The following TONSL variants were observed in gnomAD, a reference collection of about 807,000 sequenced individuals.
TONSL encodes the protein tonsoku-like protein.
A neutral mutation model predicts 147.1 loss-of-function variants in TONSL; 112 were observed. The ratio of observed to expected loss-of-function variants is 0.76; its 90% CI spans 0.65 to 0.89. TONSL has a LOEUF of 0.89. Among genes scored for constraint, TONSL ranks in the 40% least tolerant of loss-of-function variants. The pLI is 0.00. For synonymous variants in TONSL, 868 were observed against 801.5 expected (o/e 1.08, Z -1.40); for missense variants, 1,883 against 1,864.6 (o/e 1.01, Z -0.18).
Position 144,441,067 on chromosome 8 carries a change from C to T in TONSL, c.910G>A (p.Gly304Ser), listed in dbSNP as rs1823698028. The change falls in exon 8 of 26, where the codon GGC (glycine) becomes AGC (serine). Residue 304 changes from glycine (G) to serine (S), a missense_variant. Transcript: ENST00000409379. Reference protein sequence around the residue: ...RLQQQLEEAEGRDPQGAMVIC... With the variant: ...RLQQQLEEAESRDPQGAMVIC... ...ACCATGGCACCCTGAGGGTCTCTGC[C>T]CTCAGCCTCTTCCAGCTGTTGCTGC... 1 of 1,612,818 alleles carries T rather than the reference C, an allele frequency of 6.2e-7. No homozygotes were observed. Among genetic ancestry groups the T allele is most frequent in the Non-Finnish European group, 8.5e-7 (1 of 1,180,008 alleles).
rs1173781333 is a variant in TONSL at position 144,428,968 on chromosome 8, T to C, written c.*175A>G. ...CCACGCCCGGCTAATTTTTGGTATT[T>C]TTAGTAGAGACGGGGTTTCACCATG... is the stretch of plus-strand genomic sequence containing the variant. On this transcript the variant is annotated 3_prime_UTR_variant, in exon 26 of 26. Coordinates refer to ENST00000409379, the MANE Select transcript of TONSL (RefSeq NM_013432.5). 5.7e-6 allele frequency: 4 copies of C among 706,522 alleles called. No individual in the cohort carries two copies. Among genetic ancestry groups the C allele is most frequent in the Admixed American group, 7.3e-5 (2 of 27,300 alleles). The allele number at this position is 706,522 out of a possible 1,614,324, so 43.8% of individuals were successfully genotyped here. A position where few individuals can be genotyped will look rare whatever the true frequency, so the allele number is the denominator to read the frequency against.
At chr8:144,442,995 CG>C in intron 4 of TONSL, 142 bp downstream of exon 4, 1 of 1,226,002 alleles carries the variant, frequency 8.2e-7, no homozygotes, top group Non-Finnish European at 1.1e-6. Flanking sequence ...AAAGGTTGAG[CG>C]GGGCATGCAC....
At chr8:144,444,123 TC>T in intron 2 of TONSL, 56 bp downstream of exon 2, 1 of 1,264,610 alleles carries the variant, frequency 7.9e-7, no homozygotes, top group Non-Finnish European at 9.9e-7. Flanking sequence ...CGGCCCCCGA[TC>T]CCGGCCCGGG....
rs201752642 is a variant in TONSL at position 144,435,618 on chromosome 8, G to A, written c.2775+40C>T. The A allele has an allele frequency of 2.4e-3, 3,751 of 1,579,254 alleles. 11 individuals carry two copies. The highest frequency in any genetic ancestry group is 3.1e-3 in the Non-Finnish European group (3,582 of 1,158,304). Reference sequence around the variant, plus strand: ...GGCTCCACCCTACACCTGCCTGCCCGGAGTGGGGAGAGGGCTCTGCTCCAG... The same window carrying A: ...GGCTCCACCCTACACCTGCCTGCCCAGAGTGGGGAGAGGGCTCTGCTCCAG... On this transcript the variant is annotated intron_variant, in intron 17 of 25. Transcript: ENST00000409379.
At chr8:144,430,643 G>C (rs1165501432) in intron 24 of TONSL, 106 bp from the exon 25 acceptor site, 3 of 1,370,078 alleles carry the variant, frequency 2.2e-6, no homozygotes, top group Non-Finnish European at 3.0e-6. Context: ...CCTCGGGCCA[G>C]ACCCAGGGGC....
Position 144,436,012 on chromosome 8 carries a change from C to G in TONSL, c.2421G>C (p.Gly807=). 1 of 1,551,736 alleles carries G rather than the reference C, an allele frequency of 6.4e-7. No homozygotes were observed. Among genetic ancestry groups the G allele is most frequent in the South Asian group, 1.2e-5 (1 of 85,536 alleles). Residue 807 remains glycine, a synonymous_variant, in exon 17 of 26, where the codon GGG becomes GGC. Coordinates refer to ENST00000409379, the MANE Select transcript of TONSL (RefSeq NM_013432.5). The stretch of plus-strand genomic sequence containing the variant: ...TGCTGTGGCCCCGCGGTGGGCCAGG[C>G]CCCAGCCGGCTCTGAGCACTGCCCA... ...RGVGSAQSRL[G]PGPPRGHSKA...
rs368440855 is a variant in TONSL, at chr8:144,434,283, C to T, written c.3086-4G>A. The T allele has an allele frequency of 3.3e-5, 50 of 1,503,468 alleles. No individual in the cohort carries two copies. The highest frequency in any genetic ancestry group is 2.4e-4 in the Middle Eastern group (1 of 4,226). 93.1% of individuals were successfully genotyped at this position (1,503,468 alleles called of 1,614,324 possible). On this transcript the variant is annotated splice_polypyrimidine_tract_variant and splice_region_variant and intron_variant, in intron 20 of 25. Transcript: ENST00000409379. ...TGCAGCACCTGTTGGTGCTCCCCTG[C>T]GGGAGGGATGTGATGTCACCAGGGT...
At chr8:144,432,573 C>T (rs533993459) in intron 22 of TONSL, 113 bp from the exon 23 acceptor site, 27 of 1,140,664 alleles carry the variant, frequency 2.4e-5, no homozygotes, top group Admixed American at 9.4e-5. Flanking sequence ...CCGCAGTGCT[C>T]GCAGGGTGGG....
intron 22 of TONSL, chr8:144,432,732 A>G (rs2620631): frequency 0.59 from 202,855 of 342,436 alleles, 60,890 homozygotes; most frequent in Middle Eastern, 0.67. Context: ...GCCTCTGCAC[A>G]GTGGGGGTGC....
intron 8 of TONSL, 28 bp from the exon 9 acceptor site, chr8:144,440,898 G>C (rs769906046): frequency 1.2e-6 from 2 of 1,612,510 alleles, no homozygotes; most frequent in East Asian, 2.2e-5. Context: ...GAGGCCAGGG[G>C]CTGCCACCCT....
intron 13 of TONSL, 103 bp downstream of exon 13, chr8:144,438,368 T>C: frequency 7.7e-7 from 1 of 1,303,066 alleles, no homozygotes; most frequent in South Asian, 1.3e-5. Context: ...GGGCCCCATT[T>C]TGAAGATGAG....
rs1295084168 is a variant in TONSL, at chr8:144,436,190, T to G, written c.2243A>C (p.Asp748Ala). 6.4e-7 allele frequency: 1 copy of G among 1,572,420 alleles called. No individual in the cohort carries two copies. The highest frequency in any genetic ancestry group is 1.8e-5 in the Admixed American group (1 of 57,134). The change falls in exon 17 of 26, where the codon GAC (aspartate) becomes GCC (alanine). Residue 748 changes from aspartate (D) to alanine (A), a missense_variant. Coordinates refer to ENST00000409379, the MANE Select transcript of TONSL (RefSeq NM_013432.5). Reference sequence around the variant, plus strand: ...GGACGGCCGTGCGGGGCCTGCGCTGTCCTCGCCTTCTGAGCTGCTGCTGCT... The same window carrying G: ...GGACGGCCGTGCGGGGCCTGCGCTGGCCTCGCCTTCTGAGCTGCTGCTGCT... ...ASSSSSSEGE[D>A]SAGPARPSQK...
In TONSL at chr8:144,440,364, C is replaced by A. The variant is rs996924945; in HGVS notation, c.1277G>T (p.Arg426Leu). The A allele has an allele frequency of 6.3e-7, 1 of 1,596,034 alleles. No individual in the cohort carries two copies. The highest frequency in any genetic ancestry group is 8.6e-7 in the Non-Finnish European group (1 of 1,169,314). Residue 426 changes from arginine (R) to leucine (L), a missense_variant, in exon 10 of 26, where the codon CGT becomes CTT. By Grantham distance (102) the Arg-to-Leu change is moderately radical (BLOSUM62 -2). Transcript: ENST00000409379. ...KALSCAQQAQ[R>L]PQLQRQVLQH... ...GGGCTCTCGCACCTGCAGCTGGGGACGCTGGGCCTGCTGGGCACAGCTGAG... is the reference window on the plus strand; with the variant it reads ...GGGCTCTCGCACCTGCAGCTGGGGAAGCTGGGCCTGCTGGGCACAGCTGAG...
rs929539838 is a variant in TONSL, at chr8:144,438,888, G to A, written c.1481-153C>T. 1.3e-5 allele frequency: 10 copies of A among 750,862 alleles called. No individual in the cohort carries two copies. The African/African-American group carries it at 1.4e-4, about 10-fold the overall frequency. 46.5% of individuals were successfully genotyped at this position (750,862 alleles called of 1,614,324 possible). On this transcript the variant is annotated intron_variant, in intron 11 of 25. Transcript: ENST00000409379. ...GCTGCTGGGCTCTGGGGGCTCCTCA[G>A]CAATGGTCCCAGCGCTGCCTCCATG...
At position 144,435,970 on chromosome 8, in the gene TONSL, C is replaced by A. The variant is rs774070147; in HGVS notation, c.2463G>T (p.Gln821His). The stretch of plus-strand genomic sequence containing the variant: ...ACTCCTCCTCCGGGATGAGCGCTGC[C>A]TGGGGGGCAAGGGCTTTGCTGTGGC... ...PRGHSKALAP[Q>H]AALIPEEECL... is the part of the protein sequence containing the mutation. The change falls in exon 17 of 26, where the codon CAG becomes CAT. Residue 821 changes from glutamine to histidine, a missense_variant. Transcript: ENST00000409379. 2.3e-5 allele frequency: 36 copies of A among 1,556,680 alleles called. No individual in the cohort carries two copies. The highest frequency in any genetic ancestry group is 3.0e-5 in the Non-Finnish European group (35 of 1,151,616).
chr8:144,440,174 T>A lies in TONSL; in HGVS notation c.1327A>T (p.Arg443Trp). ...TCAGGGGCCTCCTGGGGCTGCAGCC[T>A]CAGCTGCACGGTATGGAGATGCTGC... ...VLQHLHTVQL[R>W]LQPQEAPETE... is the part of the protein sequence containing the mutation. Residue 443 changes from arginine (R) to tryptophan (W), a missense_variant, in exon 11 of 26, where the codon AGG (arginine) becomes TGG (tryptophan). By Grantham distance (101) the Arg-to-Trp change is moderately radical (BLOSUM62 -3). Coordinates refer to ENST00000409379, the MANE Select transcript of TONSL (RefSeq NM_013432.5). 1 of 1,609,762 alleles carries A rather than the reference T, an allele frequency of 6.2e-7. No individual in the cohort carries two copies.
In TONSL at chr8:144,431,873, AG is replaced by A. The variant is rs147615410; in HGVS notation, c.3735+411del. On this transcript the variant is annotated intron_variant, in intron 23 of 25. Coordinates refer to ENST00000409379, the MANE Select transcript of TONSL (RefSeq NM_013432.5). ...GAGACGGAATCTCGCTCTGTCACCC[AG>A]GCTGGGTGCAATGGTGCAATCTAGG... Among the ~76,000 whole-genome samples the A allele has an allele frequency of 6.1e-3, 830 of 135,026 alleles. 12 individuals are homozygous for A. Among genetic ancestry groups the A allele is most frequent in the African/African-American group, 0.023 (796 of 35,278 alleles). The allele number at this position is 135,026 out of a possible 152,430, so 88.6% of individuals were successfully genotyped here. A position where few individuals can be genotyped will look rare whatever the true frequency, so the allele number is the denominator to read the frequency against.
intron 22 of TONSL, 148 bp from the exon 23 acceptor site, chr8:144,432,608 C>T (rs888875841): frequency 6.6e-6 from 5 of 759,916 alleles, no homozygotes; most frequent in East Asian, 3.3e-5. Context: ...GGCAAAGGCT[C>T]TCGCCCAGAT....
Position 144,435,998 on chromosome 8 carries a change from C to T in TONSL, c.2435G>A (p.Arg812Gln), listed in dbSNP as rs757399567. ...AQSRLGPGPP[R>Q]GHSKALAPQA... ...GGGGGCAAGGGCTTTGCTGTGGCCCCGCGGTGGGCCAGGCCCCAGCCGGCT... is the reference window on the plus strand; with the variant it reads ...GGGGGCAAGGGCTTTGCTGTGGCCCTGCGGTGGGCCAGGCCCCAGCCGGCT... Residue 812 changes from arginine to glutamine, a missense_variant, in exon 17 of 26, where the codon CGG (arginine) becomes CAG (glutamine). By Grantham distance (43) the Arg-to-Gln change is conservative (BLOSUM62 1). Transcript: ENST00000409379. The T allele has an allele frequency of 1.3e-5, 20 of 1,550,250 alleles. No individual in the cohort carries two copies. The highest frequency in any genetic ancestry group is 1.7e-4 in the Middle Eastern group (1 of 5,832).
Sources: allele counts gnomAD v4.1 joint callset (sites outside exome capture counted in the v4.1 genomes callset), GRCh38; gene constraint gnomAD v4.1.1; transcripts MANE v1.5; gene names NCBI Gene and HGNC (gene_info 2026-07-23, HGNC 2026-07-21).